APBB2: variants seen among roughly 807,000 people sequenced by gnomAD.
The protein encoded by APBB2 is amyloid beta precursor protein binding family B member 2.
In APBB2, 38 loss-of-function variants were observed where a neutral mutation model predicts 82.5. The ratio of observed to expected loss-of-function variants is 0.46; its 90% CI spans 0.36 to 0.60. The LOEUF is 0.60. APBB2 is among the 20% of genes least tolerant of loss of function. The pLI is 0.00. For synonymous variants in APBB2, 341 were observed against 368.2 expected, an observed-to-expected ratio of 0.93 and a Z score of 0.85; for missense variants, 772 against 972.3, an observed-to-expected ratio of 0.79 and a Z score of 2.74.
At chr4:41,047,161 G>T (rs1723734517) in intron 4 of APBB2, among the ~76,000 whole-genome samples, 1 of 152,200 alleles carries the variant, frequency 6.6e-6, no homozygotes, top group South Asian at 2.1e-4. Flanking sequence ...AGGGGAATGA[G>T]GTATTTTGAA....
At chr4:40,937,210 A>T (rs1785587904) in intron 7 of APBB2, among the ~76,000 whole-genome samples, 1 of 152,206 alleles carries the variant, frequency 6.6e-6, no homozygotes, top group Non-Finnish European at 1.5e-5. Flanking sequence ...TTTGTGGAGA[A>T]ATTTATAAAG....
chr4:41,017,337 A>T (rs1237359220), intron 5 of APBB2, among the ~76,000 whole-genome samples: 2 of 152,216 alleles, frequency 1.3e-5, no homozygotes, highest in African/African-American at 2.4e-5. Context: ...TGAACTATAG[A>T]GTTCCTCTAG....
chr4:40,865,296 T>C (rs1358695547), intron 12 of APBB2, among the ~76,000 whole-genome samples: 4 of 152,196 alleles, frequency 2.6e-5, no homozygotes, highest in Admixed American at 6.6e-5. Flanking sequence ...AAGCTGGCTG[T>C]CTGGCAAGTT....
intron 3 of APBB2, among the ~76,000 whole-genome samples, chr4:41,070,331 CAG>C (rs1397462645): frequency 6.6e-6 from 1 of 152,018 alleles, no homozygotes; most frequent in African/African-American, 2.4e-5. Context: ...TTTTTTGAGA[CAG>C]AGTTTCACTC....
intron 6 of APBB2, among the ~76,000 whole-genome samples, chr4:40,985,177 G>A (rs1422783059): frequency 1.3e-5 from 2 of 151,916 alleles, no homozygotes; most frequent in East Asian, 3.9e-4. Context: ...AGCCTCCAAC[G>A]TGTTGGGATT....
chr4:41,067,407 G>A (rs1036276158), intron 3 of APBB2, among the ~76,000 whole-genome samples: 26 of 146,812 alleles, frequency 1.8e-4, no homozygotes, highest in Non-Finnish European at 2.9e-4. Flanking sequence ...GTGAAACTCC[G>A]TCTCAAAAAA....
At chr4:40,821,470 A>G (rs531627525) in intron 17 of APBB2, among the ~76,000 whole-genome samples, 2 of 152,264 alleles carry the variant, frequency 1.3e-5, no homozygotes, top group Non-Finnish European at 2.9e-5. Context: ...AATAAAATAT[A>G]TAAGAACGGT....
chr4:40,935,873 C>G (rs1418119369), intron 7 of APBB2, among the ~76,000 whole-genome samples: 3 of 152,084 alleles, frequency 2.0e-5, no homozygotes, highest in Non-Finnish European at 2.9e-5. Context: ...TGCGAGAGCT[C>G]TTGCAATAAC....
chr4:41,033,270 A>T lies in APBB2; in HGVS notation c.-16T>A, dbSNP rs772106676. The T allele has an allele frequency of 3.1e-6, 5 of 1,604,846 alleles. No homozygotes were observed. Among genetic ancestry groups the T allele is most frequent in the Non-Finnish European group, 4.3e-6 (5 of 1,174,006 alleles). On this transcript the variant is annotated 5_prime_UTR_variant, in exon 5 of 18. The change abolishes the stop of an existing upstream ORF in the 5' untranslated region. Transcript: ENST00000508593. ...CTTCTGACATGGATCACCAGGCGTC[A>T]GCAATGGTGCAGGAAATAGGTTATA...
intron 1 of APBB2, among the ~76,000 whole-genome samples, chr4:41,151,996 G>A (rs748466120): frequency 1.3e-5 from 2 of 151,962 alleles, no homozygotes; most frequent in Admixed American, 1.3e-4. Context: ...AAGAGATCTC[G>A]TCATGACCGT....
intron 6 of APBB2, among the ~76,000 whole-genome samples, chr4:40,994,212 G>A (rs907057313): frequency 5.3e-5 from 8 of 151,820 alleles, no homozygotes; most frequent in African/African-American, 1.4e-4. Context: ...GCGTGAACCT[G>A]GGAGGTGGAG....
intron 10 of APBB2, among the ~76,000 whole-genome samples, chr4:40,909,145 C>T (rs1405817899): frequency 2.0e-5 from 3 of 152,190 alleles, no homozygotes; most frequent in Non-Finnish European, 4.4e-5. Flanking sequence ...TAAAGAAAGG[C>T]CGGTGCACCA....
chr4:40,881,776 C>A (rs532969145), intron 12 of APBB2, among the ~76,000 whole-genome samples: 3 of 151,848 alleles, frequency 2.0e-5, no homozygotes, highest in Admixed American at 1.3e-4. Flanking sequence ...TCAAGTGATC[C>A]GCCTGCCTCG....
At chr4:40,938,101 G>A (rs1244985098) in intron 7 of APBB2, among the ~76,000 whole-genome samples, 1 of 152,154 alleles carries the variant, frequency 6.6e-6, no homozygotes, top group African/African-American at 2.4e-5. Context: ...GGACCAACAG[G>A]GACCATCTTC....
chr4:41,046,078 A>T (rs1045427492), intron 4 of APBB2, among the ~76,000 whole-genome samples: 5 of 152,238 alleles, frequency 3.3e-5, no homozygotes, highest in Admixed American at 6.5e-5. Flanking sequence ...ATCTTTAAAA[A>T]AACAATAAAG....
chr4:40,909,916 G>C (rs1778088182), intron 10 of APBB2, among the ~76,000 whole-genome samples: 1 of 152,168 alleles, frequency 6.6e-6, no homozygotes, highest in Non-Finnish European at 1.5e-5. Flanking sequence ...CTACAAAGTA[G>C]GTGCTGTATT....
intron 1 of APBB2, among the ~76,000 whole-genome samples, chr4:41,145,018 G>A (rs1241894824): frequency 1.3e-5 from 2 of 152,368 alleles, no homozygotes; most frequent in Non-Finnish European, 1.5e-5. Context: ...TATTTAGGAG[G>A]CTGAGGTGGG....
At chr4:41,054,007 AG>A (rs1726978905) in intron 4 of APBB2, among the ~76,000 whole-genome samples, 1 of 152,238 alleles carries the variant, frequency 6.6e-6, no homozygotes, top group African/African-American at 2.4e-5. Flanking sequence ...TTCAGCTTTA[AG>A]TAACAGAAAA....
chr4:40,982,221 G>GGAAAGAAAGAAA (rs1553893376), intron 6 of APBB2, among the ~76,000 whole-genome samples: 4 of 12,900 alleles, frequency 3.1e-4, no homozygotes, highest in South Asian at 3.3e-3. Context: ...AGAAAAGAAA[G>GGAAAGAAAGAAA]GAAAGAAAGA....
Sources: gnomAD v4.1 joint callset for allele counts (sites outside exome capture counted in the v4.1 genomes callset) on GRCh38, gnomAD v4.1.1 for gene constraint, MANE v1.5 for transcripts, NCBI Gene and HGNC (gene_info 2026-07-23, HGNC 2026-07-21) for gene names.